The following ARHGAP25 variants were observed in gnomAD, a reference collection of about 807,000 sequenced individuals.
The protein encoded by ARHGAP25 is rho GTPase-activating protein 25.
A neutral mutation model predicts 71.0 loss-of-function variants in ARHGAP25; 34 were observed. That is an observed-to-expected ratio of 0.48 (90% CI 0.36 to 0.64). The LOEUF (loss-of-function observed/expected upper bound fraction) is 0.64. Among genes scored for constraint, ARHGAP25 ranks in the 30% least tolerant of loss-of-function variants. The pLI is 0.00. For synonymous variants in ARHGAP25, 282 were observed against 296.5 expected (o/e 0.95, Z 0.50); for missense variants, 706 against 805.1 (o/e 0.88, Z 1.49).
chr2:68,760,527 C>G (rs1676739063), intron 1 of ARHGAP25, among the ~76,000 whole-genome samples: 1 of 151,986 alleles, frequency 6.6e-6, no homozygotes, highest in Non-Finnish European at 1.5e-5. Flanking sequence ...AGTTGCACTT[C>G]TATACACTAA....
intron 1 of ARHGAP25, among the ~76,000 whole-genome samples, chr2:68,747,650 C>T (rs960560683): frequency 3.3e-5 from 5 of 152,180 alleles, no homozygotes; most frequent in Admixed American, 2.6e-4. Flanking sequence ...TCACGGGCTT[C>T]CCTCCCCCAG....
At chr2:68,760,880 AAT>A (rs199855946) in intron 1 of ARHGAP25, among the ~76,000 whole-genome samples, 39,153 of 137,838 alleles carry the variant, frequency 0.28, 5,401 homozygotes, top group Non-Finnish European at 0.31. Flanking sequence ...AAAAAAAAAA[AAT>A]TTTTGAAAAA....
chr2:68,718,534 T>C (rs1358233730), intron 2 of ARHGAP25, among the ~76,000 whole-genome samples: 1 of 150,246 alleles, frequency 6.7e-6, no homozygotes, highest in East Asian at 1.9e-4. Flanking sequence ...TATATAAGTG[T>C]GTGTGTGTGT....
intron 4 of ARHGAP25, among the ~76,000 whole-genome samples, chr2:68,798,782 A>T (rs954603079): frequency 1.3e-5 from 2 of 152,236 alleles, no homozygotes; most frequent in African/African-American, 2.4e-5. Context: ...ATGGTGTCTT[A>T]GTCACAGGGA....
intron 2 of ARHGAP25, among the ~76,000 whole-genome samples, chr2:68,726,392 T>C (rs774940146): frequency 6.6e-6 from 1 of 152,246 alleles, no homozygotes; most frequent in East Asian, 1.9e-4. Flanking sequence ...AAGGAGGTGT[T>C]ACGTGAGGGA....
chr2:68,803,004 CAT>C (rs376871092), intron 4 of ARHGAP25, among the ~76,000 whole-genome samples: 9 of 142,478 alleles, frequency 6.3e-5, no homozygotes, highest in East Asian at 2.1e-4. Flanking sequence ...TACATACATA[CAT>C]ATATATATAT....
At chr2:68,813,225 G>A in intron 5 of ARHGAP25, 62 bp from the exon 6 acceptor site, 1 of 1,535,844 alleles carries the variant, frequency 6.5e-7, no homozygotes, top group Non-Finnish European at 8.8e-7. Flanking sequence ...GAATGGAAGA[G>A]AGGAACATCC....
chr2:68,755,351 C>A (rs1676411785), intron 1 of ARHGAP25, among the ~76,000 whole-genome samples: 1 of 152,104 alleles, frequency 6.6e-6, no homozygotes, highest in African/African-American at 2.4e-5. Flanking sequence ...TCCAAAATAT[C>A]TTTTATCACT....
chr2:68,739,249 G>C (rs1675388799), intron 1 of ARHGAP25, among the ~76,000 whole-genome samples: 1 of 152,244 alleles, frequency 6.6e-6, no homozygotes, highest in South Asian at 2.1e-4. Flanking sequence ...TGGATTGGCA[G>C]AGGCTAGCTT....
Position 68,790,382 on chromosome 2 carries a change from C to G in ARHGAP25, c.466+2426C>G, listed in dbSNP as rs556112003. Among the ~76,000 whole-genome samples the G allele has an allele frequency of 2.3e-4, 35 of 152,308 alleles. No individual in the cohort carries two copies. The East Asian group carries it at 6.0e-3, about 26-fold the overall frequency. On this transcript the variant is annotated intron_variant, in intron 4 of 10. Coordinates refer to ENST00000409202, the MANE Select transcript of ARHGAP25 (RefSeq NM_001007231.3). ...TCTCATTTGAGGCCACTGGACAAAT[C>G]AGACATTTGTTCTTCCTATTTGTAA...
chr2:68,716,560 C>T (rs1573372169), intron 2 of ARHGAP25, among the ~76,000 whole-genome samples: 1 of 152,162 alleles, frequency 6.6e-6, no homozygotes, highest in African/African-American at 2.4e-5. Flanking sequence ...CTTGGGTGGA[C>T]ATCTTTCTCT....
At chr2:68,711,627 G>A (rs113431988) in intron 2 of ARHGAP25, among the ~76,000 whole-genome samples, 35,070 of 150,688 alleles carry the variant, frequency 0.23, 4,371 homozygotes, top group East Asian at 0.36. Flanking sequence ...CCATCAACCC[G>A]TCATCTACAT....
intron 4 of ARHGAP25, among the ~76,000 whole-genome samples, chr2:68,797,764 T>C (rs1023065556): frequency 2.0e-5 from 3 of 152,200 alleles, no homozygotes; most frequent in African/African-American, 7.2e-5. Context: ...CATATCATAG[T>C]CTTCTTGCCA....
At chr2:68,763,204 A>C (rs1398882488) in intron 1 of ARHGAP25, among the ~76,000 whole-genome samples, 2 of 152,238 alleles carry the variant, frequency 1.3e-5, no homozygotes, top group Non-Finnish European at 2.9e-5. Context: ...AACTCTAAAA[A>C]ATCTTTAACA....
At chr2:68,813,117 C>G (rs1292465985) in intron 5 of ARHGAP25, among the ~76,000 whole-genome samples, 170 bp from the exon 6 acceptor site, 2 of 152,060 alleles carry the variant, frequency 1.3e-5, no homozygotes, top group African/African-American at 4.8e-5. Context: ...TCCAGAAGGG[C>G]GAATTAACAA....
At position 68,735,087 on chromosome 2, in the gene ARHGAP25, A is replaced by G. The variant is rs1275947621; in HGVS notation, c.-113A>G. On this transcript the variant is annotated 5_prime_UTR_variant, in exon 1 of 11. In the 5' UTR this introduces an upstream ATG that the reference lacks. Coordinates refer to ENST00000409202, the MANE Select transcript of ARHGAP25 (RefSeq NM_001007231.3). Reference sequence around the variant, plus strand: ...CTAAGATTGCTTGTGAAGCAATCATAAGGAGGAACAAAAACAGACACAAAA... The same window carrying G: ...CTAAGATTGCTTGTGAAGCAATCATGAGGAGGAACAAAAACAGACACAAAA... The G allele has an allele frequency of 6.5e-6, 6 of 923,284 alleles. No homozygotes were observed. Among genetic ancestry groups the G allele is most frequent in the African/African-American group, 1.6e-5 (1 of 61,222 alleles). 57.2% of individuals were successfully genotyped at this position (923,284 alleles called of 1,614,324 possible). A position where few individuals can be genotyped will look rare whatever the true frequency, so the allele number is the denominator to read the frequency against.
intron 4 of ARHGAP25, among the ~76,000 whole-genome samples, chr2:68,795,074 T>G (rs1679445924): frequency 6.6e-6 from 1 of 152,186 alleles, no homozygotes; most frequent in Non-Finnish European, 1.5e-5. Flanking sequence ...TTGTTAATAA[T>G]AATCTCTGAT....
chr2:68,821,088 CTTTCTTTTTTTTTTT>C, intron 9 of ARHGAP25, among the ~76,000 whole-genome samples: 1 of 108,596 alleles, frequency 9.2e-6, no homozygotes, highest in East Asian at 3.2e-4. Context: ...TTTTCTTTTT[CTTTCTTTTTTTTTTT>C]TTTTTTTTTT....
chr2:68,824,856 G>A (rs925833131), intron 10 of ARHGAP25, among the ~76,000 whole-genome samples: 2 of 152,212 alleles, frequency 1.3e-5, no homozygotes, highest in African/African-American at 4.8e-5. Context: ...AATAGGCCAA[G>A]GCCCTTGAAG....
Sources: gnomAD v4.1 joint callset for allele counts (sites outside exome capture counted in the v4.1 genomes callset) on GRCh38, gnomAD v4.1.1 for gene constraint, MANE v1.5 for transcripts, NCBI Gene and HGNC (gene_info 2026-07-23, HGNC 2026-07-21) for gene names.